SEMA4G: variants seen among roughly 807,000 people sequenced by gnomAD.
SEMA4G encodes the protein semaphorin-4G.
A neutral mutation model predicts 81.2 loss-of-function variants in SEMA4G; 59 were observed. The observed-to-expected ratio is 0.73, with a 90% CI of 0.59 to 0.90. The LOEUF (loss-of-function observed/expected upper bound fraction) is 0.90, where lower values mean the gene tolerates loss of function less well. Ranked by LOEUF, SEMA4G falls within the 40% of genes least tolerant of loss-of-function variation. The pLI is 0.00. For missense variants in SEMA4G, 952 were observed against 1,102.3 expected, an observed-to-expected ratio of 0.86 and a Z score of 1.93; for synonymous variants, 404 against 433.9, an observed-to-expected ratio of 0.93 and a Z score of 0.86.
chr10:100,974,269 C>T (rs1234703185), intron 3 of SEMA4G, among the ~76,000 whole-genome samples: 1 of 151,816 alleles, frequency 6.6e-6, no homozygotes, highest in East Asian at 2.0e-4. Flanking sequence ...AGTTCAAGAT[C>T]AGCCTTGGCA....
intron 3 of SEMA4G, chr10:100,974,924 CAATA>C (rs898131550): frequency 5.6e-5 from 26 of 461,942 alleles, no homozygotes; most frequent in African/African-American, 5.0e-4. Context: ...CCAGCCTGGA[CAATA>C]TAATGAGACT....
At chr10:100,974,803 A>G (rs1019931413) in intron 3 of SEMA4G, among the ~76,000 whole-genome samples, 3 of 152,090 alleles carry the variant, frequency 2.0e-5, no homozygotes, top group Non-Finnish European at 4.4e-5. Flanking sequence ...CTCCATCTGG[A>G]GAGCTTTTAC....
chr10:100,982,188 G>C (rs1489209858), intron 13 of SEMA4G, among the ~76,000 whole-genome samples: 3 of 151,922 alleles, frequency 2.0e-5, no homozygotes, highest in African/African-American at 7.3e-5. Context: ...AGAGGACATG[G>C]GGTAATGGGG....
In SEMA4G at chr10:100,973,810, A is replaced by G. The variant is rs1464919017; in HGVS notation, c.336+201A>G. ...TTTTCTTTTTTTGAGGTCGGATCTCACTCTGTCATCCAGGTTGGAGTACAG... is the reference window on the plus strand; with the variant it reads ...TTTTCTTTTTTTGAGGTCGGATCTCGCTCTGTCATCCAGGTTGGAGTACAG... On this transcript the variant is annotated intron_variant, in intron 3 of 13. Transcript: ENST00000370250. The surrounding 1 kb of genome is among the most constrained non-coding windows in gnomAD (Gnocchi z 5.5). 6.7e-6 allele frequency among the ~76,000 whole-genome samples: 1 copy of G among 150,286 alleles called. No individual in the cohort carries two copies. The highest frequency in any genetic ancestry group is 1.5e-5 in the Non-Finnish European group (1 of 67,674).
rs1007389877 is a variant in SEMA4G, at chr10:100,978,669, G to T, written c.643+29G>T. Reference sequence around the variant, plus strand: ...AGGAGGATGAGGCACAGGATGATGGGGGGTAGGGGACTATTTCTTCATTTT... The same window carrying T: ...AGGAGGATGAGGCACAGGATGATGGTGGGTAGGGGACTATTTCTTCATTTT... On this transcript the variant is annotated intron_variant, in intron 6 of 13. Transcript: ENST00000370250. 3.1e-6 allele frequency: 5 copies of T among 1,596,858 alleles called. No homozygotes were observed. In the African/African-American group the frequency reaches 6.7e-5, roughly 21 times the overall value.
rs146501195 is a variant in SEMA4G, at chr10:100,979,290, G to A, written c.983+19G>A. The A allele has an allele frequency of 7.3e-5, 118 of 1,614,016 alleles. No individual in the cohort carries two copies. Among genetic ancestry groups the A allele is most frequent in the Admixed American group, 2.2e-4 (13 of 60,006 alleles). On this transcript the variant is annotated intron_variant, in intron 8 of 13. Coordinates refer to ENST00000370250, the Ensembl canonical transcript of SEMA4G. ...CACAGTGGTCAGTGCAGGGACAATC[G>A]GGAGGCAAGAAACTGCGGACAGCAT...
chr10:100,981,637 T>C, intron 13 of SEMA4G: 1 of 1,429,584 alleles, frequency 7.0e-7, no homozygotes, highest in South Asian at 1.2e-5. Flanking sequence ...ATGCATGATG[T>C]CATCTACTGT....
intron 10 of SEMA4G, 31 bp from the exon 12 acceptor site, chr10:100,980,547 G>A (rs763226911): frequency 6.4e-7 from 1 of 1,573,226 alleles, no homozygotes; most frequent in East Asian, 2.2e-5. Flanking sequence ...TCCCATAGTT[G>A]GGGTCTAACT....
At chr10:100,975,647 A>G (rs186062819) in intron 3 of SEMA4G, among the ~76,000 whole-genome samples, 11 of 152,252 alleles carry the variant, frequency 7.2e-5, no homozygotes, top group Non-Finnish European at 1.3e-4. Context: ...CATGAGGTCA[A>G]GAGATCGAGA....
At chr10:100,978,377 G>A in exon 5 of SEMA4G, 1 of 1,613,212 alleles carries the variant, frequency 6.2e-7, no homozygotes, top group Non-Finnish European at 8.5e-7. Context: ...GGCTTCACAG[G>A]CCTCATCATT....
chr10:100,979,275 A>G lies in SEMA4G; in HGVS notation c.983+4A>G. The stretch of plus-strand genomic sequence containing the variant: ...CCTTCACGCTGAGCACACAGTGGTC[A>G]GTGCAGGGACAATCGGGAGGCAAGA... On this transcript the variant is annotated splice_donor_region_variant and intron_variant, in intron 8 of 13. Coordinates refer to ENST00000370250, the Ensembl canonical transcript of SEMA4G. 1 of 1,614,214 alleles carries G rather than the reference A, an allele frequency of 6.2e-7. No homozygotes were observed. Among genetic ancestry groups the G allele is most frequent in the Non-Finnish European group, 8.5e-7 (1 of 1,180,036 alleles).
chr10:100,976,969 G>T (rs112136254), intron 3 of SEMA4G, among the ~76,000 whole-genome samples: 111 of 152,342 alleles, frequency 7.3e-4, no homozygotes, highest in Middle Eastern at 6.8e-3. Flanking sequence ...TGGAGTCAAA[G>T]TGGACCAAGT....
exon 7 of SEMA4G, chr10:100,978,880 G>A (rs1178341036): frequency 3.7e-6 from 6 of 1,614,060 alleles, no homozygotes; most frequent in Admixed American, 1.7e-5. Context: ...TCCTCGTGCG[G>A]GAGAGCAAGG....
downstream of SEMA4G, chr10:100,985,246 C>G: frequency 4.6e-6 from 1 of 217,274 alleles, no homozygotes. Context: ...AGGGCAGAGG[C>G]TGGGAGTTTG....
chr10:100,977,022 G>GA (rs1029182487), intron 3 of SEMA4G, among the ~76,000 whole-genome samples: 2 of 152,180 alleles, frequency 1.3e-5, no homozygotes, highest in African/African-American at 4.8e-5. Flanking sequence ...GAGAGGGACT[G>GA]AATGTGGGGG....
At chr10:100,980,687 A>G (rs763844803) in exon 11 of SEMA4G, 4 of 1,612,964 alleles carry the variant, frequency 2.5e-6, no homozygotes, top group African/African-American at 1.3e-5. Flanking sequence ...TCATCTCTCT[A>G]TTGCAGGTAG....
In SEMA4G at chr10:100,973,545, A is replaced by G; in HGVS notation, c.274-2A>G. On this transcript the variant is annotated splice_acceptor_variant, in intron 2 of 13. Coordinates refer to ENST00000370250, the Ensembl canonical transcript of SEMA4G. LOFTEE classifies it high-confidence loss of function. The surrounding 1 kb of genome is among the most constrained non-coding windows in gnomAD (Gnocchi z 5.5). Reference sequence around the variant, plus strand: ...TCAGCCTATTCCCTTTGCCTCCACTAGATCCACTGGGAAGCCTCCCCAGAG... The same window carrying G: ...TCAGCCTATTCCCTTTGCCTCCACTGGATCCACTGGGAAGCCTCCCCAGAG... The G allele has an allele frequency of 6.2e-7, 1 of 1,613,922 alleles. No homozygotes were observed. The highest frequency in any genetic ancestry group is 8.5e-7 in the Non-Finnish European group (1 of 1,179,876).
chr10:100,980,303 C>A, exon 10 of SEMA4G: 2 of 1,614,242 alleles, frequency 1.2e-6, no homozygotes, highest in Non-Finnish European at 1.7e-6. Context: ...CCTGTCACCA[C>A]GCCTGCTGGA....
chr10:100,985,097 A>T (rs1411538590), downstream of SEMA4G: 1 of 553,322 alleles, frequency 1.8e-6, no homozygotes, highest in East Asian at 3.0e-5. Flanking sequence ...CCTAGGATGG[A>T]TGACCAACAC....
Sources: gnomAD v4.1 joint callset for allele counts (sites outside exome capture counted in the v4.1 genomes callset) on GRCh38, gnomAD v4.1.1 for gene constraint, Gnocchi (gnomAD v3.1) non-coding constraint, MANE v1.5 for transcripts, NCBI Gene and HGNC (gene_info 2026-07-23, HGNC 2026-07-21) for gene names.